The following XPO4 variants were observed in gnomAD, a reference collection of about 807,000 sequenced individuals.
XPO4 encodes the protein exportin-4.
A neutral mutation model predicts 143.0 loss-of-function variants in XPO4; 39 were observed. That is an observed-to-expected ratio of 0.27 (90% confidence interval 0.21 to 0.36). XPO4 has a LOEUF of 0.36. Ranked by LOEUF, XPO4 falls within the 10% of genes least tolerant of loss-of-function variation. The probability of loss-of-function intolerance (pLI) is 1.00; values close to 1 mark genes in which losing one functional copy is unlikely to be tolerated. For missense variants in XPO4, 907 were observed against 1,348.0 expected (o/e 0.67, Z 5.12); for synonymous variants, 439 against 474.0 (o/e 0.93, Z 0.96).
Position 20,780,114 on chromosome 13 carries a change from T to G in XPO4, c.*3608A>C, listed in dbSNP as rs1414662863. 2.0e-5 allele frequency: 3 copies of G among 152,172 alleles called. No homozygotes were observed. The highest frequency in any genetic ancestry group is 7.2e-5 in the African/African-American group (3 of 41,432). The allele number at this position is 152,172 out of a possible 1,614,324, so 9.4% of individuals were successfully genotyped here. The stretch of plus-strand genomic sequence containing the variant: ...CCTCATAGCCAAATCAGTTCCTTAT[T>G]CTCTGGTTTTAGAAAACACAAACAA... On this transcript the variant is annotated 3_prime_UTR_variant, in exon 23 of 23. Transcript: ENST00000255305.
intron 1 of XPO4, among the ~76,000 whole-genome samples, chr13:20,884,949 G>C (rs1439075673): frequency 6.6e-6 from 1 of 151,834 alleles, no homozygotes; most frequent in Non-Finnish European, 1.5e-5. Flanking sequence ...AGGTTTTTTT[G>C]GTTTGTTTTT....
rs192671983 is a variant in XPO4 at position 20,864,053 on chromosome 13, A to T, written c.176-1195T>A. Among the ~76,000 whole-genome samples the T allele has an allele frequency of 1.1e-4, 16 of 152,230 alleles. No homozygotes were observed. The East Asian group carries it at 2.9e-3, about 27-fold the overall frequency. The stretch of plus-strand genomic sequence containing the variant: ...AAACCACTAAGAGAAACCAATTTGA[A>T]CCTTTTTTTAAAGTTTTGATTATTC... On this transcript the variant is annotated intron_variant, in intron 2 of 22. Coordinates refer to ENST00000255305, the MANE Select transcript of XPO4 (RefSeq NM_022459.5).
intron 6 of XPO4, among the ~76,000 whole-genome samples, chr13:20,830,190 A>G (rs900341435): frequency 6.6e-6 from 1 of 152,152 alleles, no homozygotes; most frequent in Non-Finnish European, 1.5e-5. Context: ...AGTGTTGGTA[A>G]CCAGAATAGT....
chr13:20,883,534 C>T (rs1322006053), intron 1 of XPO4, among the ~76,000 whole-genome samples: 1 of 152,170 alleles, frequency 6.6e-6, no homozygotes, highest in Non-Finnish European at 1.5e-5. Context: ...ACCAGAATAA[C>T]ATTTTCAGGG....
chr13:20,818,941 C>T (rs762036828), intron 9 of XPO4, among the ~76,000 whole-genome samples: 4 of 152,134 alleles, frequency 2.6e-5, no homozygotes, highest in Non-Finnish European at 5.9e-5. Flanking sequence ...CTGCTTCAGC[C>T]TCCCAAGTAG....
In XPO4 at chr13:20,811,299, T is replaced by G. The variant is rs979763409; in HGVS notation, c.1174-1332A>C. On this transcript the variant is annotated intron_variant, in intron 9 of 22. Coordinates refer to ENST00000255305, the MANE Select transcript of XPO4 (RefSeq NM_022459.5). ...TAGAATGCTTTTTTCTTTTTTTTTT[T>G]TTTTTTGAGATGGAGTCTCGCTCTG... is the stretch of plus-strand genomic sequence containing the variant. Among the ~76,000 whole-genome samples, 4 of 150,982 alleles carry G rather than the reference T, an allele frequency of 2.6e-5. No homozygotes were observed. In the South Asian group the frequency reaches 6.3e-4, roughly 24 times the overall value.
Position 20,850,419 on chromosome 13 carries a change from A to G in XPO4, c.456+5208T>C, listed in dbSNP as rs553546491. ...GTGAATCCAAAATCAGTGTTCTATT[A>G]TACTACACTGCCCCTAAACCTGTAT... On this transcript the variant is annotated intron_variant, in intron 4 of 22. Coordinates refer to ENST00000255305, the MANE Select transcript of XPO4 (RefSeq NM_022459.5). 5.1e-5 allele frequency: 13 copies of G among 252,452 alleles called. No homozygotes were observed. In the South Asian group the frequency reaches 1.8e-3, roughly 35 times the overall value. The allele number at this position is 252,452 out of a possible 1,614,324, so 15.6% of individuals were successfully genotyped here. A position where few individuals can be genotyped will look rare whatever the true frequency, so the allele number is the denominator to read the frequency against.
intron 6 of XPO4, among the ~76,000 whole-genome samples, chr13:20,837,826 T>G (rs1458460717): frequency 6.6e-6 from 1 of 152,178 alleles, no homozygotes; most frequent in Admixed American, 6.5e-5. Flanking sequence ...TTGTGAGACT[T>G]ATTCACTACC....
Position 20,809,073 on chromosome 13 carries a change from C to T in XPO4, c.1493+10G>A, listed in dbSNP as rs748911256. On this transcript the variant is annotated intron_variant, in intron 11 of 22. Transcript: ENST00000255305. Reference sequence around the variant, plus strand: ...ATTTGCTCCATGGGGTTTCTTTGGACTGTGTGTACCTTGTCAGAAGAGGTA... The same window carrying T: ...ATTTGCTCCATGGGGTTTCTTTGGATTGTGTGTACCTTGTCAGAAGAGGTA... 8 of 1,608,788 alleles carry T rather than the reference C, an allele frequency of 5.0e-6. No individual in the cohort carries two copies. In the South Asian group the frequency reaches 8.9e-5, roughly 18 times the overall value.
intron 2 of XPO4, among the ~76,000 whole-genome samples, chr13:20,864,426 T>C (rs939842397): frequency 6.6e-6 from 1 of 152,162 alleles, no homozygotes; most frequent in African/African-American, 2.4e-5. Flanking sequence ...AACCATGGAT[T>C]TCAACAATGA....
intron 5 of XPO4, 150 bp from the exon 6 acceptor site, chr13:20,843,198 G>T: frequency 2.7e-6 from 2 of 734,776 alleles, no homozygotes; most frequent in South Asian, 2.1e-5. Context: ...GCCTCTACTT[G>T]TAATTTACAT....
At chr13:20,842,118 T>C (rs974236041) in intron 6 of XPO4, among the ~76,000 whole-genome samples, 5 of 152,178 alleles carry the variant, frequency 3.3e-5, no homozygotes, top group African/African-American at 1.2e-4. Context: ...ACCCCCATTT[T>C]ACATTTGGAA....
intron 6 of XPO4, among the ~76,000 whole-genome samples, chr13:20,828,428 C>T (rs1206049789): frequency 3.9e-5 from 6 of 152,040 alleles, no homozygotes; most frequent in East Asian, 3.9e-4. Flanking sequence ...AAGTCTAAAT[C>T]GTTATTTTTA....
At chr13:20,890,827 G>C (rs2060506992) in intron 1 of XPO4, among the ~76,000 whole-genome samples, 1 of 148,676 alleles carries the variant, frequency 6.7e-6, no homozygotes, top group Non-Finnish European at 1.5e-5. Flanking sequence ...AAAGGAGCAG[G>C]CTGTGAGCAT....
intron 2 of XPO4, chr13:20,863,164 T>C (rs190035010): frequency 2.0e-6 from 2 of 1,008,788 alleles, no homozygotes; most frequent in Admixed American, 5.1e-5. Context: ...AAAATAAAAA[T>C]ATAAAGCAAT....
intron 2 of XPO4, chr13:20,865,602 C>T (rs1488674032): frequency 4.2e-6 from 4 of 958,258 alleles, no homozygotes; most frequent in Non-Finnish European, 5.0e-6. Flanking sequence ...ATTTTGTCAG[C>T]CATCTGAAAC....
At chr13:20,849,068 T>C in intron 4 of XPO4, 2 of 985,432 alleles carry the variant, frequency 2.0e-6, no homozygotes, top group Non-Finnish European at 2.4e-6. Flanking sequence ...CTCACCAGCT[T>C]ACTGTCACAA....
intron 2 of XPO4, among the ~76,000 whole-genome samples, chr13:20,865,217 C>T (rs2060234991): frequency 6.6e-6 from 1 of 151,708 alleles, no homozygotes; most frequent in Non-Finnish European, 1.5e-5. Flanking sequence ...CGGCTCACCA[C>T]AACCTCTGCC....
At chr13:20,817,943 G>A (rs373441148) in intron 9 of XPO4, among the ~76,000 whole-genome samples, 3 of 148,402 alleles carry the variant, frequency 2.0e-5, no homozygotes, top group Non-Finnish European at 4.4e-5. Flanking sequence ...TTACAGGAGT[G>A]TGCCACCATG....
Sources: gnomAD v4.1 joint callset for allele counts (sites outside exome capture counted in the v4.1 genomes callset) on GRCh38, gnomAD v4.1.1 for gene constraint, MANE v1.5 for transcripts, NCBI Gene and HGNC (gene_info 2026-07-23, HGNC 2026-07-21) for gene names.